Variants in LANCL3 observed in about 807,000 individuals in gnomAD.
LANCL3 encodes lanC-like protein 3.
A neutral mutation model predicts 26.5 loss-of-function variants in LANCL3; 19 were observed. That is an observed-to-expected ratio of 0.72 (90% CI 0.50 to 1.05). LANCL3 has a LOEUF of 1.05. Ranked by LOEUF, LANCL3 falls within the 50% of genes least tolerant of loss-of-function variation. LANCL3 has a pLI of 0.00. For synonymous variants in LANCL3, 160 were observed against 166.6 expected, an observed-to-expected ratio of 0.96 and a Z score of 0.30; for missense variants, 318 against 362.7, an observed-to-expected ratio of 0.88 and a Z score of 1.00.
chrX:37,579,703 A>G (rs1556416795), intron 1 of LANCL3, among the ~76,000 whole-genome samples: 2 of 111,992 alleles, frequency 1.8e-5, no homozygotes, highest in African/African-American at 6.5e-5. Context: ...TAATGTATAC[A>G]TGTAATATAT....
chrX:37,586,772 C>A (rs1276572518), intron 1 of LANCL3, among the ~76,000 whole-genome samples: 1 of 112,015 alleles, frequency 8.9e-6, no homozygotes, highest in South Asian at 3.8e-4. Flanking sequence ...GAAGTTTGAT[C>A]GTCTGAAGCC....
chrX:37,600,340 C>T (rs1924546030), intron 1 of LANCL3, among the ~76,000 whole-genome samples: 1 of 111,917 alleles, frequency 8.9e-6, no homozygotes, highest in Middle Eastern at 4.6e-3. Flanking sequence ...ACATGGGGTT[C>T]GGTAGTACTT....
At chrX:37,638,384 T>TGTATCAG (rs1331513527) in intron 1 of LANCL3, among the ~76,000 whole-genome samples, 2 of 111,439 alleles carry the variant, frequency 1.8e-5, no homozygotes, top group African/African-American at 6.5e-5. Flanking sequence ...GGCATGAGGG[T>TGTATCAG]GTATCAGCCT....
At chrX:37,578,347 G>A (rs1217581376) in intron 1 of LANCL3, among the ~76,000 whole-genome samples, 3 of 112,168 alleles carry the variant, frequency 2.7e-5, no homozygotes, top group Non-Finnish European at 5.6e-5. Flanking sequence ...AAGGGAGAAG[G>A]AAATGGTTGC....
At chrX:37,629,753 A>G (rs1925431681) in intron 1 of LANCL3, among the ~76,000 whole-genome samples, 1 of 111,131 alleles carries the variant, frequency 9.0e-6, no homozygotes, top group African/African-American at 3.3e-5. Context: ...AAGATCAGAT[A>G]GTTGTAGATA....
At position 37,677,136 on chromosome X, in the gene LANCL3, T is replaced by TTGTGTGTGTGTG. The variant is rs1164318788; in HGVS notation, c.*1324_*1325insGTGTGTGTGTGT. 2 of 73,754 alleles carry TTGTGTGTGTGTG rather than the reference T, an allele frequency of 2.7e-5. No individual in the cohort carries two copies. Among genetic ancestry groups the TTGTGTGTGTGTG allele is most frequent in the African/African-American group, 2.3e-4 (2 of 8,835 alleles). 6.1% of individuals were successfully genotyped at this position (73,754 alleles called of 1,213,427 possible). On this transcript the variant is annotated 3_prime_UTR_variant, in exon 5 of 5. Coordinates refer to ENST00000378619, the MANE Select transcript of LANCL3 (RefSeq NM_001170331.2). ...AATAGTCATTAAATATTTGGATATA[T>TTGTGTGTGTGTG]TATGTGTGTGTGTGTGTGTGTGTGT... is the stretch of plus-strand genomic sequence containing the variant.
At chrX:37,591,919 C>T (rs782695105) in intron 1 of LANCL3, among the ~76,000 whole-genome samples, 1 of 110,471 alleles carries the variant, frequency 9.1e-6, no homozygotes, top group Non-Finnish European at 1.9e-5. Context: ...ATAGGGAAAC[C>T]TGCAGTTCCT....
chrX:37,614,067 G>A (rs1322527616), intron 1 of LANCL3, among the ~76,000 whole-genome samples: 5 of 111,969 alleles, frequency 4.5e-5, no homozygotes, highest in Non-Finnish European at 9.4e-5. Context: ...TTCATCCCAG[G>A]ACACCCAGGA....
rs1926867962 is a variant in LANCL3, at chrX:37,678,626, A to AC, written c.*2817dup. 1 of 110,407 alleles carries AC rather than the reference A, an allele frequency of 9.1e-6. No homozygotes were observed. The highest frequency in any genetic ancestry group is 3.3e-5 in the African/African-American group (1 of 30,331). The allele number at this position is 110,407 out of a possible 1,213,427, so 9.1% of individuals were successfully genotyped here. A position where few individuals can be genotyped will look rare whatever the true frequency, so the allele number is the denominator to read the frequency against. On this transcript the variant is annotated 3_prime_UTR_variant, in exon 5 of 5. Transcript: ENST00000378619. ...ATTACATACCATCTCTTCCACACAC[A>AC]CCCCAGAATATTATACATTTTTATT... is the stretch of plus-strand genomic sequence containing the variant.
rs782608702 is a variant in LANCL3 at position 37,590,132 on chromosome X, G to T, written c.573+17689G>T. Among the ~76,000 whole-genome samples, 12 of 112,687 alleles carry T rather than the reference G, an allele frequency of 1.1e-4. No individual in the cohort carries two copies. In the East Asian group the frequency reaches 3.0e-3, roughly 29 times the overall value. ...TACTGTAAATTGCCATATAGGTGAT[G>T]TTGGAATATTTGCTTCTTGCTCTGT... On this transcript the variant is annotated intron_variant, in intron 1 of 4. Transcript: ENST00000378619.
intron 1 of LANCL3, among the ~76,000 whole-genome samples, chrX:37,639,658 A>T (rs1276450664): frequency 1.8e-5 from 2 of 111,145 alleles, no homozygotes; most frequent in Non-Finnish European, 3.8e-5. Context: ...TGTTCTAACC[A>T]CCTGTGCTAT....
rs782553690 is a variant in LANCL3, at chrX:37,635,902, CA to C, written c.574-19785del. Among the ~76,000 whole-genome samples, 530 of 110,628 alleles carry C rather than the reference CA, an allele frequency of 4.8e-3. 4 individuals carry two copies. The highest frequency in any genetic ancestry group is 0.016 in the African/African-American group (481 of 30,447). On this transcript the variant is annotated intron_variant, in intron 1 of 4. Transcript: ENST00000378619. ...GGGTTTGGTGTACAGATTATTTCAT[CA>C]CCCAGGTAATAAGCAATAGTATTCA...
At chrX:37,630,662 G>T (rs782563544) in intron 1 of LANCL3, among the ~76,000 whole-genome samples, 3 of 109,388 alleles carry the variant, frequency 2.7e-5, no homozygotes, top group Middle Eastern at 4.7e-3. Context: ...TAGCATGAAG[G>T]GTTGTTGAAT....
At chrX:37,628,822 C>T (rs1925393420) in intron 1 of LANCL3, among the ~76,000 whole-genome samples, 1 of 109,607 alleles carries the variant, frequency 9.1e-6, no homozygotes, top group South Asian at 4.0e-4. Flanking sequence ...GTATATGTAC[C>T]ACATTTTCTT....
At chrX:37,612,184 C>T (rs1224211413) in intron 1 of LANCL3, among the ~76,000 whole-genome samples, 2 of 111,503 alleles carry the variant, frequency 1.8e-5, no homozygotes, top group Non-Finnish European at 3.8e-5. Flanking sequence ...TCAGGTGATC[C>T]GCCCACCTTG....
chrX:37,648,782 A>T (rs564189305), intron 1 of LANCL3, among the ~76,000 whole-genome samples: 1 of 112,218 alleles, frequency 8.9e-6, no homozygotes, highest in East Asian at 2.8e-4. Flanking sequence ...ACAACCCTAC[A>T]AAAAGTGGGC....
At chrX:37,662,077 A>G (rs782792213) in intron 3 of LANCL3, among the ~76,000 whole-genome samples, 2 of 112,251 alleles carry the variant, frequency 1.8e-5, no homozygotes, top group African/African-American at 3.2e-5. Flanking sequence ...CAATCTTTTT[A>G]TCACCACAGA....
rs184358347 is a variant in LANCL3, at chrX:37,670,732, T to C, written c.1103+3243T>C. On this transcript the variant is annotated intron_variant, in intron 4 of 4. Transcript: ENST00000378619. ...ATATTTTTAAAAAAGCTCACAGAAATTTGATTGGAATTTCATTGAATTTAC... is the reference window on the plus strand; with the variant it reads ...ATATTTTTAAAAAAGCTCACAGAAACTTGATTGGAATTTCATTGAATTTAC... Among the ~76,000 whole-genome samples the C allele has an allele frequency of 3.1e-3, 343 of 111,534 alleles. 1 individual carries two copies. The highest frequency in any genetic ancestry group is 0.011 in the African/African-American group (332 of 30,820).
Position 37,678,757 on chromosome X carries a change from T to C in LANCL3, c.*2944T>C, listed in dbSNP as rs1403654602. ...GCTAGAGTATATTTCCCTGTGCTTC[T>C]TTAGGTAGTTGACTATGCTATTAAG... On this transcript the variant is annotated 3_prime_UTR_variant, in exon 5 of 5. Coordinates refer to ENST00000378619, the MANE Select transcript of LANCL3 (RefSeq NM_001170331.2). The C allele has an allele frequency of 9.0e-6, 1 of 111,712 alleles. No individual in the cohort carries two copies. The highest frequency in any genetic ancestry group is 1.9e-5 in the Non-Finnish European group (1 of 53,076). 9.2% of individuals were successfully genotyped at this position (111,712 alleles called of 1,213,427 possible). A position where few individuals can be genotyped will look rare whatever the true frequency, so the allele number is the denominator to read the frequency against.
Sources: gnomAD v4.1 joint callset for allele counts (sites outside exome capture counted in the v4.1 genomes callset) on GRCh38, gnomAD v4.1.1 for gene constraint, MANE v1.5 for transcripts, NCBI Gene and HGNC (gene_info 2026-07-23, HGNC 2026-07-21) for gene names.